Variants in TNXB observed in about 807,000 individuals in gnomAD.
TNXB encodes tenascin XB.
TNXB carries 183 observed loss-of-function variants against 340.5 expected under a neutral mutation model. The observed-to-expected ratio is 0.54, with a 90% confidence interval of 0.48 to 0.61. The LOEUF is 0.61. Ranked by LOEUF, TNXB falls within the 20% of genes least tolerant of loss-of-function variation. The pLI, the probability that TNXB is intolerant of heterozygous loss-of-function variation, is 0.00. For missense variants in TNXB, 4,613 were observed against 5,446.4 expected (o/e 0.85, Z 4.82); for synonymous variants, 2,121 against 2,314.5 (o/e 0.92, Z 2.40).
intron 3 of TNXB, 61 bp from the exon 4 acceptor site, chr6:32,095,252 GC>G: frequency 7.6e-7 from 1 of 1,309,374 alleles, no homozygotes; most frequent in East Asian, 2.5e-5. Context: ...CCCACCCACA[GC>G]CCCTTTTACT....
chr6:32,068,800 G>T lies in TNXB; in HGVS notation c.5902+22C>A, dbSNP rs1445875083. On this transcript the variant is annotated intron_variant, in intron 16 of 43. Transcript: ENST00000644971. The surrounding 1 kb of genome is among the most constrained non-coding windows in gnomAD (Gnocchi z 5.3). The stretch of plus-strand genomic sequence containing the variant: ...GACTCTCCCAGCCATCTGAAAGGAG[G>T]CATAGTGGGCAGAGTTCTCACCTGT... 4 of 1,594,766 alleles carry T rather than the reference G, an allele frequency of 2.5e-6. No individual in the cohort carries two copies. The highest frequency in any genetic ancestry group is 2.7e-5 in the African/African-American group (2 of 74,620).
intron 1 of TNXB, among the ~76,000 whole-genome samples, chr6:32,098,848 G>T (rs1205011448): frequency 2.0e-5 from 3 of 152,174 alleles, no homozygotes; most frequent in Non-Finnish European, 4.4e-5. Context: ...TTTGCATTGT[G>T]TGTTCCCTAT....
At position 32,043,811 on chromosome 6, in the gene TNXB, A is replaced by T; in HGVS notation, c.11468T>A (p.Val3823Glu). The T allele has an allele frequency of 6.2e-7, 1 of 1,613,498 alleles. No homozygotes were observed. Residue 3823 changes from valine to glutamate, a missense_variant, in exon 35 of 44, where the codon GTG becomes GAG. Val to Glu is a moderately radical substitution (Grantham distance 121). This residue lies in a region of TNXB where 114 missense variants were observed against 104.5 expected (regional missense o/e 1.09). Transcript: ENST00000644971. ...QGLIPGARYE[V>E]TVVSVRGFEE... ...AAAGCCTCGGACCGAGACCACGGTC[A>T]CCTCATAGCGAGCGCCTGGGATCAG...
Position 32,061,537 on chromosome 6 carries a change from C to T in TNXB, c.7352G>A (p.Arg2451Gln), listed in dbSNP as rs201131695. The change falls in exon 21 of 44, where the codon CGG becomes CAG. Residue 2451 changes from arginine to glutamine, a missense_variant. Transcript: ENST00000644971. This position sits in a 1 kb window ranked among gnomAD's most constrained non-coding sequence, Gnocchi z 4.4. ...FTVQYKDRDG[R>Q]PQVVRVGGEE... ...GCCCCCAACACGCACCACCTGGGGC[C>T]GCCCGTCCCTGTCCTTGTACTGCAC... is the stretch of plus-strand genomic sequence containing the variant. 784 of 1,613,528 alleles carry T rather than the reference C, an allele frequency of 4.9e-4. 22 individuals carry two copies. The South Asian group carries it at 7.9e-3, about 16-fold the overall frequency.
At chr6:32,043,577 C>T (rs1407995035) in intron 35 of TNXB, 21 bp from the exon 36 acceptor site, 1 of 1,111,518 alleles carries the variant, frequency 9.0e-7, no homozygotes, top group Non-Finnish European at 1.3e-6. Flanking sequence ...GGGAGGGGCT[C>T]AGAAGGGTCC....
intron 1 of TNXB, among the ~76,000 whole-genome samples, chr6:32,107,814 G>T (rs1781055034): frequency 6.6e-6 from 1 of 152,058 alleles, no homozygotes; most frequent in Non-Finnish European, 1.5e-5. Flanking sequence ...TGACCCTCCT[G>T]CTACACCCTC....
At chr6:32,065,651 ACT>A (rs1415819964) in intron 18 of TNXB, among the ~76,000 whole-genome samples, 3 of 152,052 alleles carry the variant, frequency 2.0e-5, no homozygotes, top group African/African-American at 7.2e-5. Context: ...ACAGAGTCTC[ACT>A]CTGTCACCCA....
chr6:32,041,603 G>T (rs1776402215), intron 43 of TNXB, 153 bp from the exon 44 acceptor site: 2 of 1,071,752 alleles, frequency 1.9e-6, no homozygotes, highest in African/African-American at 1.7e-5. Flanking sequence ...TTAATTCTGA[G>T]CTGGCCCTTT....
Position 32,097,479 on chromosome 6 carries a change from G to T in TNXB, c.404-30C>A. 1 of 1,569,538 alleles carries T rather than the reference G, an allele frequency of 6.4e-7. No individual in the cohort carries two copies. Among genetic ancestry groups the T allele is most frequent in the Non-Finnish European group, 8.6e-7 (1 of 1,161,220 alleles). On this transcript the variant is annotated intron_variant, in intron 2 of 43. Coordinates refer to ENST00000644971, the MANE Select transcript of TNXB (RefSeq NM_001365276.2). This position sits in a 1 kb window ranked among gnomAD's most constrained non-coding sequence, Gnocchi z 5.9. The stretch of plus-strand genomic sequence containing the variant: ...AGTAGGAGGGGAGAGGCAAGTCTCA[G>T]TCTCTCTCCTGGGAGAGAGGCTGAG...
intron 1 of TNXB, among the ~76,000 whole-genome samples, chr6:32,106,135 G>A (rs186338596): frequency 2.6e-5 from 4 of 151,736 alleles, no homozygotes; most frequent in Non-Finnish European, 5.9e-5. Flanking sequence ...GGGGCATGGG[G>A]GGGGGGGCTT....
At position 32,073,356 on chromosome 6, in the gene TNXB, G is replaced by C. The variant is rs1229772079; in HGVS notation, c.4681+291C>G. On this transcript the variant is annotated intron_variant, in intron 12 of 43. Coordinates refer to ENST00000644971, the MANE Select transcript of TNXB (RefSeq NM_001365276.2). This position sits in a 1 kb window ranked among gnomAD's most constrained non-coding sequence, Gnocchi z 4.6. ...GAAACAGCTGTGGGCAGTCGGAGAG[G>C]GGGAGAGAAAGTCTGTGGCTGGATT... 6.6e-6 allele frequency among the ~76,000 whole-genome samples: 1 copy of C among 152,202 alleles called. No homozygotes were observed. The highest frequency in any genetic ancestry group is 1.5e-5 in the Non-Finnish European group (1 of 68,044).
rs1280081035 is a variant in TNXB at position 32,087,788 on chromosome 6, G to C, written c.2779+997C>G. On this transcript the variant is annotated intron_variant, in intron 6 of 43. Transcript: ENST00000644971. The surrounding 1 kb of genome is among the most constrained non-coding windows in gnomAD (Gnocchi z 9.0). The stretch of plus-strand genomic sequence containing the variant: ...AGGTCCTGCACCGTGCCGCGGAAAC[G>C]GCTCAGCTCGGCCGTCAGGTTGCCC... 2.0e-6 allele frequency: 1 copy of C among 510,836 alleles called. No homozygotes were observed. The highest frequency in any genetic ancestry group is 5.7e-5 in the East Asian group (1 of 17,494). The allele number at this position is 510,836 out of a possible 1,614,324, so 31.6% of individuals were successfully genotyped here. A position where few individuals can be genotyped will look rare whatever the true frequency, so the allele number is the denominator to read the frequency against.
Position 32,058,127 on chromosome 6 carries a change from A to T in TNXB, c.7756T>A (p.Tyr2586Asn). The T allele has an allele frequency of 6.2e-7, 1 of 1,612,612 alleles. No homozygotes were observed. The highest frequency in any genetic ancestry group is 8.5e-7 in the Non-Finnish European group (1 of 1,179,784). ...TGGAGGCCGTACAGGTGCATCTTGTACTTGCGCCCAGGCTCCAGGCCCCTC... is the reference window on the plus strand; with the variant it reads ...TGGAGGCCGTACAGGTGCATCTTGTTCTTGCGCCCAGGCTCCAGGCCCCTC... ...TVRGLEPGRKYKMHLYGLHEG... is the reference protein window; with the variant it reads ...TVRGLEPGRKNKMHLYGLHEG... Residue 2586 changes from tyrosine to asparagine, a missense_variant, in exon 22 of 44, where the codon TAC (tyrosine) becomes AAC (asparagine). By Grantham distance (143) the Tyr-to-Asn change is moderately radical. Transcript: ENST00000644971. This position sits in a 1 kb window ranked among gnomAD's most constrained non-coding sequence, Gnocchi z 5.1.
Position 32,053,374 on chromosome 6 carries a change from C to T in TNXB, c.8791+14G>A. On this transcript the variant is annotated intron_variant, in intron 25 of 43. Coordinates refer to ENST00000644971, the MANE Select transcript of TNXB (RefSeq NM_001365276.2). ...CCCACAGGCCCCACTCTGGGGCTCC[C>T]ATCGTACACTCACCTGTCACCCCAA... 6.2e-7 allele frequency: 1 copy of T among 1,609,676 alleles called. No homozygotes were observed. The highest frequency in any genetic ancestry group is 8.5e-7 in the Non-Finnish European group (1 of 1,178,154).
chr6:32,081,902 C>T lies in TNXB; in HGVS notation c.3736+134G>A, dbSNP rs1237076941. The T allele has an allele frequency of 3.3e-6, 3 of 910,406 alleles. No individual in the cohort carries two copies. Among genetic ancestry groups the T allele is most frequent in the Non-Finnish European group, 5.0e-6 (3 of 605,434 alleles). The allele number at this position is 910,406 out of a possible 1,614,324, so 56.4% of individuals were successfully genotyped here. Reference sequence around the variant, plus strand: ...AGCAGTGCGGGGGAGTCTGGCTGCCCCTCAGCCCTGGAGTGGGGCCGGGAA... The same window carrying T: ...AGCAGTGCGGGGGAGTCTGGCTGCCTCTCAGCCCTGGAGTGGGGCCGGGAA... On this transcript the variant is annotated intron_variant, in intron 9 of 43. Coordinates refer to ENST00000644971, the MANE Select transcript of TNXB (RefSeq NM_001365276.2). This position sits in a 1 kb window ranked among gnomAD's most constrained non-coding sequence, Gnocchi z 5.1.
At position 32,079,407 on chromosome 6, in the gene TNXB, T is replaced by A. The variant is rs750516148; in HGVS notation, c.4043-42A>T. ...AGGCATAAAGGGCTGCTGGCTTTGC[T>A]GCTGCTGCCCACAGATGACAGCCAT... On this transcript the variant is annotated intron_variant, in intron 10 of 43. Coordinates refer to ENST00000644971, the MANE Select transcript of TNXB (RefSeq NM_001365276.2). This position sits in a 1 kb window ranked among gnomAD's most constrained non-coding sequence, Gnocchi z 7.1. The A allele has an allele frequency of 6.7e-7, 1 of 1,488,716 alleles. No homozygotes were observed. Among genetic ancestry groups the A allele is most frequent in the South Asian group, 1.3e-5 (1 of 79,284 alleles). 92.2% of individuals were successfully genotyped at this position (1,488,716 alleles called of 1,614,324 possible).
intron 4 of TNXB, chr6:32,093,240 A>C (rs1409891517): frequency 4.7e-6 from 3 of 638,910 alleles, no homozygotes; most frequent in Non-Finnish European, 8.5e-6. Context: ...AAATGTTAGC[A>C]GTGCTTGTTT....
intron 1 of TNXB, among the ~76,000 whole-genome samples, chr6:32,104,431 T>C (rs753233422): frequency 1.3e-4 from 20 of 152,120 alleles, no homozygotes; most frequent in East Asian, 5.8e-4. Context: ...GAATTCCCCA[T>C]TGAAGCTCAG....
In TNXB at chr6:32,086,035, G is replaced by A. The variant is rs1171496996; in HGVS notation, c.2863C>T (p.Leu955Phe). ...PSTTQGAQAP[L>F]LQQRPQELGE... ...AGCTCCTGGGGGCGCTGCTGCAGGAGAGGAGCCTGGGCCCCTTGCGTCGTC... is the reference window on the plus strand; with the variant it reads ...AGCTCCTGGGGGCGCTGCTGCAGGAAAGGAGCCTGGGCCCCTTGCGTCGTC... The change falls in exon 7 of 44, where the codon CTC (leucine) becomes TTC (phenylalanine). Residue 955 changes from leucine to phenylalanine, a missense_variant. By Grantham distance (22) the Leu-to-Phe change is conservative (BLOSUM62 0). This residue lies in a region of TNXB where 4,327 missense variants were observed against 4,859.4 expected (regional missense o/e 0.89). Coordinates refer to ENST00000644971, the MANE Select transcript of TNXB (RefSeq NM_001365276.2). The A allele has an allele frequency of 7.5e-6, 12 of 1,604,922 alleles. No individual in the cohort carries two copies. The highest frequency in any genetic ancestry group is 1.0e-5 in the Non-Finnish European group (12 of 1,177,604).
Sources: allele counts gnomAD v4.1 joint callset (sites outside exome capture counted in the v4.1 genomes callset), GRCh38; gene constraint gnomAD v4.1.1; regional missense constraint gnomAD v4.1.1; non-coding constraint Gnocchi (gnomAD v3.1); transcripts MANE v1.5; gene names NCBI Gene and HGNC (gene_info 2026-07-23, HGNC 2026-07-21).